DYM: variants seen among roughly 807,000 people sequenced by gnomAD.
The protein encoded by DYM is dyggve-Melchior-Clausen syndrome protein.
DYM carries 78 observed loss-of-function variants against 93.1 expected under a neutral mutation model. That is an observed-to-expected ratio of 0.84 (90% CI 0.70 to 1.01). The LOEUF (loss-of-function observed/expected upper bound fraction) is 1.01. Ranked by LOEUF, DYM falls within the 50% of genes least tolerant of loss-of-function variation. The pLI is 0.00. For synonymous variants in DYM, 321 were observed against 319.7 expected (o/e 1.00, Z -0.04); for missense variants, 789 against 845.0 (o/e 0.93, Z 0.82).
chr18:49,217,836 C>G (rs143126281), intron 13 of DYM, among the ~76,000 whole-genome samples: 1 of 152,134 alleles, frequency 6.6e-6, no homozygotes, highest in Admixed American at 6.5e-5. Context: ...CTGGGAAGAA[C>G]CTGCATCAAC....
chr18:49,081,544 AGAGGGGAGAGGGGAGAGGG>A (rs1193778624), intron 17 of DYM, among the ~76,000 whole-genome samples: 3 of 46,818 alleles, frequency 6.4e-5, no homozygotes, highest in African/African-American at 2.4e-4. Context: ...GGGAGAGGGG[AGAGGGGAGAGGGGAGAGGG>A]GAGAGGGGAG....
At chr18:49,450,641 A>C (rs949708570) in intron 1 of DYM, among the ~76,000 whole-genome samples, 2 of 152,204 alleles carry the variant, frequency 1.3e-5, no homozygotes, top group Non-Finnish European at 2.9e-5. Context: ...GGATTATCTG[A>C]CATGTTTAGT....
chr18:49,264,058 G>C lies in DYM; in HGVS notation c.1252-5565C>G, dbSNP rs544898689. 5.3e-5 allele frequency among the ~76,000 whole-genome samples: 8 copies of C among 149,576 alleles called. No homozygotes were observed. In the South Asian group the frequency reaches 1.3e-3, roughly 24 times the overall value. Reference sequence around the variant, plus strand: ...CCTCATTGTTCTACACTGATAACCTGCCTCCCCAGAGGCAGCCACTATCCT... The same window carrying C: ...CCTCATTGTTCTACACTGATAACCTCCCTCCCCAGAGGCAGCCACTATCCT... On this transcript the variant is annotated intron_variant, in intron 11 of 17. Coordinates refer to ENST00000675505, the MANE Select transcript of DYM (RefSeq NM_001353214.3).
chr18:49,114,133 G>A (rs138368460), intron 16 of DYM, among the ~76,000 whole-genome samples: 1 of 152,172 alleles, frequency 6.6e-6, no homozygotes, highest in Non-Finnish European at 1.5e-5. Context: ...ATGATCCTTA[G>A]GCAGGAATGT....
At chr18:49,154,916 T>C (rs1488872895) in intron 15 of DYM, among the ~76,000 whole-genome samples, 2 of 152,244 alleles carry the variant, frequency 1.3e-5, no homozygotes. Context: ...ATTTAATGCA[T>C]AATTTTCAAG....
chr18:49,123,551 C>T (rs557188104), intron 15 of DYM, among the ~76,000 whole-genome samples: 1 of 152,322 alleles, frequency 6.6e-6, no homozygotes, highest in East Asian at 1.9e-4. Context: ...TAGTGTCTGG[C>T]CTACAGTAGC....
At chr18:49,117,949 G>A (rs919583779) in intron 16 of DYM, among the ~76,000 whole-genome samples, 1 of 150,900 alleles carries the variant, frequency 6.6e-6, no homozygotes, top group African/African-American at 2.4e-5. Context: ...TGCCCATCTC[G>A]GCCTCCCAAA....
chr18:49,086,518 G>A (rs750134017), intron 17 of DYM, among the ~76,000 whole-genome samples: 36 of 152,310 alleles, frequency 2.4e-4, no homozygotes, highest in Non-Finnish European at 4.0e-4. Context: ...TACGTTTGGA[G>A]GGGACATTCA....
At chr18:49,252,208 A>G (rs1306033557) in intron 13 of DYM, among the ~76,000 whole-genome samples, 1 of 133,540 alleles carries the variant, frequency 7.5e-6, no homozygotes, top group Non-Finnish European at 1.5e-5. Context: ...ACAGAGTGAG[A>G]CTTGCCTCAA....
intron 16 of DYM, among the ~76,000 whole-genome samples, chr18:49,107,028 C>G (rs1323902859): frequency 6.6e-6 from 1 of 152,222 alleles, no homozygotes; most frequent in Non-Finnish European, 1.5e-5. Context: ...TTCTCCCCGT[C>G]ACTTTCAGGT....
chr18:49,439,156 T>G (rs188960159), intron 1 of DYM, among the ~76,000 whole-genome samples: 201 of 152,302 alleles, frequency 1.3e-3, no homozygotes, highest in African/African-American at 4.7e-3. Context: ...TCTGTTGATA[T>G]CTCTAAAATA....
chr18:49,359,434 T>C (rs2065839253), intron 6 of DYM, among the ~76,000 whole-genome samples: 4 of 152,180 alleles, frequency 2.6e-5, no homozygotes, highest in Admixed American at 2.6e-4. Context: ...ATCCAAAGTG[T>C]CTGAGAAACA....
chr18:49,071,410 G>A (rs977733782), intron 17 of DYM, among the ~76,000 whole-genome samples: 5 of 152,344 alleles, frequency 3.3e-5, no homozygotes, highest in Middle Eastern at 3.4e-3. Context: ...AACATTCTGT[G>A]ATACAATTGA....
chr18:49,439,629 C>A (rs2081150477), intron 1 of DYM, among the ~76,000 whole-genome samples: 1 of 152,110 alleles, frequency 6.6e-6, no homozygotes, highest in South Asian at 2.1e-4. Flanking sequence ...AAAAGATCTT[C>A]AGACTAAATT....
intron 8 of DYM, chr18:49,321,072 A>G (rs2062446415): frequency 3.7e-6 from 1 of 270,068 alleles, no homozygotes. Flanking sequence ...TTCAAAGCAA[A>G]TAAGTTTTAA....
At chr18:49,314,569 C>T (rs1418542346) in intron 8 of DYM, among the ~76,000 whole-genome samples, 2 of 152,332 alleles carry the variant, frequency 1.3e-5, no homozygotes, top group East Asian at 3.9e-4. Flanking sequence ...ACATTCTTAA[C>T]AAAGTAATAT....
intron 17 of DYM, among the ~76,000 whole-genome samples, chr18:49,066,423 T>C (rs1415976586): frequency 6.6e-6 from 1 of 152,228 alleles, no homozygotes; most frequent in East Asian, 1.9e-4. Flanking sequence ...CATGTGAGAT[T>C]GAAACATGTT....
chr18:49,400,088 T>C (rs1489572322), intron 2 of DYM, among the ~76,000 whole-genome samples: 2 of 151,234 alleles, frequency 1.3e-5, no homozygotes, highest in African/African-American at 4.9e-5. Context: ...TTACAAGCAC[T>C]TGCCACCACG....
chr18:49,415,099 T>C (rs749195694), intron 2 of DYM, among the ~76,000 whole-genome samples: 12 of 151,944 alleles, frequency 7.9e-5, no homozygotes, highest in Non-Finnish European at 1.5e-4. Flanking sequence ...ATTCTCCTGC[T>C]TCAACCTGAA....
Sources: allele counts gnomAD v4.1 joint callset (sites outside exome capture counted in the v4.1 genomes callset), GRCh38; gene constraint gnomAD v4.1.1; transcripts MANE v1.5; gene names NCBI Gene and HGNC (gene_info 2026-07-23, HGNC 2026-07-21).